The following PPP6R3 variants were observed in gnomAD, a reference collection of about 807,000 sequenced individuals.
PPP6R3 encodes serine/threonine-protein phosphatase 6 regulatory subunit 3.
Under a neutral mutation model 110.7 loss-of-function variants are expected in PPP6R3, and 38 were observed. The observed-to-expected ratio is 0.34, with a 90% CI of 0.26 to 0.45. The LOEUF is 0.45. Among genes scored for constraint, PPP6R3 ranks in the 20% least tolerant of loss-of-function variants. The pLI is 1.00. For missense variants in PPP6R3, 870 were observed against 1,062.4 expected (o/e 0.82, Z 2.52); for synonymous variants, 369 against 373.5 (o/e 0.99, Z 0.14).
At chr11:68,607,645 A>G (rs1189694001) in intron 22 of PPP6R3, among the ~76,000 whole-genome samples, 1 of 152,276 alleles carries the variant, frequency 6.6e-6, no homozygotes, top group Non-Finnish European at 1.5e-5. Flanking sequence ...GGTTAATAAA[A>G]GAAATACAGA....
At chr11:68,547,958 C>A (rs553502065) in intron 4 of PPP6R3, 109 bp from the exon 5 acceptor site, 2 of 1,148,518 alleles carry the variant, frequency 1.7e-6, no homozygotes, top group Admixed American at 3.2e-5. Context: ...TGCCATTTCT[C>A]AACCTAAAGT....
intron 1 of PPP6R3, among the ~76,000 whole-genome samples, chr11:68,479,511 G>A (rs564417215): frequency 2.6e-5 from 4 of 152,134 alleles, no homozygotes; most frequent in Admixed American, 1.3e-4. Flanking sequence ...GTTCTGGCTC[G>A]ATGATTGTTT....
At chr11:68,610,624 G>A (rs1942915152) in intron 23 of PPP6R3, among the ~76,000 whole-genome samples, 1 of 152,164 alleles carries the variant, frequency 6.6e-6, no homozygotes, top group South Asian at 2.1e-4. Context: ...GTGGTCTGAA[G>A]GGATGGGCCA....
chr11:68,601,493 C>T (rs1253420201), intron 20 of PPP6R3, among the ~76,000 whole-genome samples: 1 of 152,216 alleles, frequency 6.6e-6, no homozygotes, highest in African/African-American at 2.4e-5. Flanking sequence ...TTTTGTAAAA[C>T]CAGTCAACCT....
intron 2 of PPP6R3, among the ~76,000 whole-genome samples, chr11:68,528,768 G>A (rs931313603): frequency 1.3e-5 from 2 of 152,144 alleles, no homozygotes; most frequent in African/African-American, 4.8e-5. Flanking sequence ...AGCATGCCTG[G>A]AAGCAGTCAC....
chr11:68,482,483 T>G (rs1423061916), intron 1 of PPP6R3, among the ~76,000 whole-genome samples: 2 of 152,082 alleles, frequency 1.3e-5, no homozygotes, highest in Non-Finnish European at 2.9e-5. Context: ...GTGGAGTGTT[T>G]TGTTTTTGCA....
At chr11:68,557,781 G>C (rs1000652050) in intron 7 of PPP6R3, among the ~76,000 whole-genome samples, 8 of 152,200 alleles carry the variant, frequency 5.3e-5, no homozygotes, top group Admixed American at 4.6e-4. Context: ...GCCTCCCAAA[G>C]TGTGGGGATT....
intron 2 of PPP6R3, among the ~76,000 whole-genome samples, chr11:68,536,097 T>G (rs1309065936): frequency 6.6e-6 from 1 of 152,022 alleles, no homozygotes; most frequent in African/African-American, 2.4e-5. Context: ...TGGTACAGAG[T>G]TTGTTTTCCT....
intron 2 of PPP6R3, among the ~76,000 whole-genome samples, chr11:68,532,607 G>A (rs1288048099): frequency 3.9e-5 from 6 of 152,298 alleles, no homozygotes; most frequent in Middle Eastern, 3.4e-3. Flanking sequence ...AGATTATAAT[G>A]GGGCTGAAAA....
chr11:68,506,980 A>G (rs1006418142), intron 1 of PPP6R3, among the ~76,000 whole-genome samples: 2 of 152,198 alleles, frequency 1.3e-5, no homozygotes, highest in Non-Finnish European at 2.9e-5. Context: ...TACAACAGGC[A>G]GAGGTAGTTC....
chr11:68,576,097 A>G (rs928732975), intron 14 of PPP6R3, 54 bp downstream of exon 14: 6 of 1,308,340 alleles, frequency 4.6e-6, no homozygotes, highest in African/African-American at 1.5e-5. Context: ...GCCTTTGCCC[A>G]TTTATTCAGA....
chr11:68,596,025 CTG>C (rs2153899838), intron 18 of PPP6R3, 70 bp from the exon 19 acceptor site: 9 of 1,579,470 alleles, frequency 5.7e-6, no homozygotes, highest in Admixed American at 3.4e-5. Flanking sequence ...TGCTGGATGA[CTG>C]TTAGAATTTT....
chr11:68,608,921 A>C (rs1291228527), intron 22 of PPP6R3, among the ~76,000 whole-genome samples: 1 of 152,248 alleles, frequency 6.6e-6, no homozygotes, highest in East Asian at 1.9e-4. Context: ...CAGGTAATTC[A>C]GATGATCACT....
At chr11:68,574,851 G>A (rs1358092158) in intron 13 of PPP6R3, among the ~76,000 whole-genome samples, 1 of 152,138 alleles carries the variant, frequency 6.6e-6, no homozygotes, top group Non-Finnish European at 1.5e-5. Context: ...TGTACCAACA[G>A]GATTACCAAT....
At chr11:68,547,963 T>G in intron 4 of PPP6R3, 104 bp from the exon 5 acceptor site, 2 of 1,214,906 alleles carry the variant, frequency 1.6e-6, no homozygotes, top group Non-Finnish European at 2.2e-6. Flanking sequence ...TTTCTCAACC[T>G]AAAGTAGTGG....
chr11:68,460,901 C>T (rs1301496396), intron 1 of PPP6R3, 74 bp downstream of exon 1: 14 of 3,112 alleles, frequency 4.5e-3, no homozygotes, highest in Middle Eastern at 0.062. Context: ...GGCGCGGGGC[C>T]CCTCCACCTG....
intron 6 of PPP6R3, among the ~76,000 whole-genome samples, chr11:68,553,411 A>G (rs1288464286): frequency 6.6e-6 from 1 of 150,662 alleles, no homozygotes. Flanking sequence ...CTCCTGCCTC[A>G]GCCTCCCGAG....
At chr11:68,610,836 A>C (rs1028731776) in intron 23 of PPP6R3, among the ~76,000 whole-genome samples, 1 of 151,598 alleles carries the variant, frequency 6.6e-6, no homozygotes, top group African/African-American at 2.4e-5. Flanking sequence ...GAGAAGTTTT[A>C]ACCCCCCACC....
intron 3 of PPP6R3, among the ~76,000 whole-genome samples, chr11:68,543,405 T>TG (rs1163744192): frequency 6.6e-6 from 1 of 150,958 alleles, no homozygotes; most frequent in Non-Finnish European, 1.5e-5. Flanking sequence ...CCAGGTCTGT[T>TG]TTTTTTTTTT....
Sources: gnomAD v4.1 joint callset for allele counts (sites outside exome capture counted in the v4.1 genomes callset) on GRCh38, gnomAD v4.1.1 for gene constraint, MANE v1.5 for transcripts, NCBI Gene and HGNC (gene_info 2026-07-23, HGNC 2026-07-21) for gene names.